FBXL20: variants seen among roughly 807,000 people sequenced by gnomAD.
The protein encoded by FBXL20 is F-box/LRR-repeat protein 20.
Under a neutral mutation model 64.0 loss-of-function variants are expected in FBXL20, and 11 were observed. That is an observed-to-expected ratio of 0.17 (90% CI 0.11 to 0.28). The LOEUF is 0.28. Ranked by LOEUF, FBXL20 falls within the 10% of genes least tolerant of loss-of-function variation. The pLI is 1.00. For missense variants in FBXL20, 303 were observed against 526.2 expected (o/e 0.58, Z 4.15); for synonymous variants, 184 against 189.0 (o/e 0.97, Z 0.22).
chr17:39,336,524 T>G (rs969974844), intron 2 of FBXL20, among the ~76,000 whole-genome samples: 6 of 152,118 alleles, frequency 3.9e-5, no homozygotes, highest in African/African-American at 1.4e-4. Flanking sequence ...ACAGCAGAAT[T>G]ACAATTAATG....
At chr17:39,298,517 G>A (rs903159473) in intron 5 of FBXL20, among the ~76,000 whole-genome samples, 3 of 152,038 alleles carry the variant, frequency 2.0e-5, no homozygotes, top group Admixed American at 1.3e-4. Flanking sequence ...GCAAGAGTTC[G>A]AGACCAGCCT....
chr17:39,298,022 C>A (rs2047102031), intron 5 of FBXL20, among the ~76,000 whole-genome samples: 1 of 152,138 alleles, frequency 6.6e-6, no homozygotes, highest in African/African-American at 2.4e-5. Flanking sequence ...CAGGCTTGGG[C>A]TATCACACCT....
At chr17:39,278,753 G>GGC (rs77859474) in intron 9 of FBXL20, among the ~76,000 whole-genome samples, 150,508 of 150,510 alleles carry the variant, frequency 1, 75,253 homozygotes, top group Non-Finnish European at 1. Context: ...TCACCATGTT[G>GGC]CAGGCTGGTC....
At chr17:39,294,038 C>A (rs1253072056) in intron 6 of FBXL20, among the ~76,000 whole-genome samples, 1 of 151,926 alleles carries the variant, frequency 6.6e-6, no homozygotes, top group Admixed American at 6.6e-5. Context: ...AGTCTTGTGC[C>A]ACAAGTACAA....
chr17:39,391,507 G>A (rs2048133359), intron 1 of FBXL20, among the ~76,000 whole-genome samples: 1 of 151,822 alleles, frequency 6.6e-6, no homozygotes. Context: ...ACAGACACCA[G>A]TAATACTAGA....
rs1003209310 is a variant in FBXL20, at chr17:39,258,819, G to C, written c.*2641C>G. 6 of 152,164 alleles carry C rather than the reference G, an allele frequency of 3.9e-5. No homozygotes were observed. Among genetic ancestry groups the C allele is most frequent in the African/African-American group, 1.4e-4 (6 of 41,432 alleles). 9.4% of individuals were successfully genotyped at this position (152,164 alleles called of 1,614,324 possible). On this transcript the variant is annotated 3_prime_UTR_variant, in exon 15 of 15. Coordinates refer to ENST00000264658, the MANE Select transcript of FBXL20 (RefSeq NM_032875.3). ...AGTTCTCTCCTTTAGTTTTGTTTGAGTAACCTAGGGATCTGAATATTATTA... is the reference window on the plus strand; with the variant it reads ...AGTTCTCTCCTTTAGTTTTGTTTGACTAACCTAGGGATCTGAATATTATTA...
chr17:39,378,279 C>G (rs999277683), intron 1 of FBXL20, among the ~76,000 whole-genome samples: 1 of 152,060 alleles, frequency 6.6e-6, no homozygotes, highest in Non-Finnish European at 1.5e-5. Context: ...ACGAAGAACT[C>G]TTATAACCCA....
At chr17:39,267,923 A>C (rs1175531244) in intron 12 of FBXL20, among the ~76,000 whole-genome samples, 32 of 152,210 alleles carry the variant, frequency 2.1e-4, no homozygotes, top group Non-Finnish European at 2.9e-5. Flanking sequence ...CTATAAAACA[A>C]AAAATTTTTT....
At chr17:39,333,637 G>A (rs932145012) in intron 2 of FBXL20, among the ~76,000 whole-genome samples, 20 of 150,884 alleles carry the variant, frequency 1.3e-4, no homozygotes, top group Admixed American at 5.9e-4. Context: ...CCCTCTGCCC[G>A]GCTGCCCAGT....
chr17:39,303,780 G>A, intron 2 of FBXL20, 141 bp from the exon 3 acceptor site: 1 of 596,066 alleles, frequency 1.7e-6, no homozygotes, highest in East Asian at 3.1e-5. Flanking sequence ...TTGACTTCCT[G>A]GGGTCAGGTG....
At chr17:39,308,387 CA>C (rs1446169392) in intron 2 of FBXL20, among the ~76,000 whole-genome samples, 4 of 151,824 alleles carry the variant, frequency 2.6e-5, no homozygotes, top group African/African-American at 4.8e-5. Flanking sequence ...CCTAGCTATC[CA>C]GGGGGCTAAG....
At chr17:39,389,104 CAA>C (rs752930971) in intron 1 of FBXL20, among the ~76,000 whole-genome samples, 2,315 of 52,548 alleles carry the variant, frequency 0.044, 39 homozygotes, top group African/African-American at 0.14. Context: ...AACTCCATCT[CAA>C]AAAAAAAAAA....
chr17:39,332,690 C>T (rs906239499), intron 2 of FBXL20, among the ~76,000 whole-genome samples: 2 of 150,752 alleles, frequency 1.3e-5, no homozygotes, highest in Non-Finnish European at 3.0e-5. Context: ...TACAGGTGCC[C>T]GCCACCAGGC....
At chr17:39,319,841 G>A (rs2047337566) in intron 2 of FBXL20, among the ~76,000 whole-genome samples, 1 of 151,766 alleles carries the variant, frequency 6.6e-6, no homozygotes, top group Non-Finnish European at 1.5e-5. Context: ...CGAACTCCTG[G>A]CCTCAAGCAA....
intron 1 of FBXL20, among the ~76,000 whole-genome samples, chr17:39,378,345 A>G (rs2047989279): frequency 6.6e-6 from 1 of 152,198 alleles, no homozygotes; most frequent in Admixed American, 6.6e-5. Flanking sequence ...GTGGTAGCTC[A>G]CATTTGTAGT....
chr17:39,316,059 G>C (rs191322320), intron 2 of FBXL20, among the ~76,000 whole-genome samples: 1 of 151,958 alleles, frequency 6.6e-6, no homozygotes, highest in Non-Finnish European at 1.5e-5. Context: ...AGTCTAGCCC[G>C]GTTAACAGAG....
intron 6 of FBXL20, 59 bp downstream of exon 6, chr17:39,297,068 G>A: frequency 1.6e-6 from 2 of 1,212,362 alleles, no homozygotes; most frequent in East Asian, 4.8e-5. Context: ...TGAATTTAAG[G>A]TTGTATCAGC....
chr17:39,368,703 TA>T (rs2047885860), intron 1 of FBXL20, among the ~76,000 whole-genome samples: 2 of 152,306 alleles, frequency 1.3e-5, no homozygotes, highest in Non-Finnish European at 2.9e-5. Context: ...TTGCCCAGGC[TA>T]GAGTGCAGTG....
chr17:39,296,911 T>C (rs1390033270), intron 6 of FBXL20, among the ~76,000 whole-genome samples: 3 of 152,222 alleles, frequency 2.0e-5, no homozygotes, highest in African/African-American at 7.2e-5. Flanking sequence ...TGACTACAAT[T>C]ATTAAAAGTT....
Sources: allele counts gnomAD v4.1 joint callset (sites outside exome capture counted in the v4.1 genomes callset), GRCh38; gene constraint gnomAD v4.1.1; transcripts MANE v1.5; gene names NCBI Gene and HGNC (gene_info 2026-07-23, HGNC 2026-07-21).